The following ATG10 variants were observed in gnomAD, a reference collection of about 807,000 sequenced individuals.
ATG10 encodes the protein autophagy related 10, also known as ubiquitin-like-conjugating enzyme ATG10.
A neutral mutation model predicts 32.1 loss-of-function variants in ATG10; 30 were observed. The ratio of observed to expected loss-of-function variants is 0.94; its 90% CI spans 0.70 to 1.27. ATG10 has a LOEUF of 1.27. Among genes scored for constraint, ATG10 ranks in the 50% most tolerant of loss-of-function variants. The pLI, the probability that ATG10 is intolerant of heterozygous loss-of-function variation, is 0.00. For synonymous variants in ATG10, 87 were observed against 91.5 expected, an observed-to-expected ratio of 0.95 and a Z score of 0.28; for missense variants, 233 against 262.3, an observed-to-expected ratio of 0.89 and a Z score of 0.77.
At chr5:82,044,333 T>G (rs1382147929) in intron 2 of ATG10, among the ~76,000 whole-genome samples, 1 of 152,100 alleles carries the variant, frequency 6.6e-6, no homozygotes, top group East Asian at 1.9e-4. Flanking sequence ...CATGATCCGT[T>G]TACCTCCCAC....
intron 1 of ATG10, among the ~76,000 whole-genome samples, chr5:81,987,194 C>T (rs922154854): frequency 3.3e-5 from 5 of 152,158 alleles, no homozygotes; most frequent in African/African-American, 1.2e-4. Context: ...ATGATCCTAG[C>T]TAACTGCAGT....
intron 3 of ATG10, among the ~76,000 whole-genome samples, chr5:82,066,449 A>T (rs1290878057): frequency 6.6e-6 from 1 of 152,164 alleles, no homozygotes; most frequent in Non-Finnish European, 1.5e-5. Context: ...TTACATTTTT[A>T]AAAACTATGA....
intron 2 of ATG10, among the ~76,000 whole-genome samples, chr5:81,992,969 G>T (rs1306476444): frequency 6.6e-6 from 1 of 152,016 alleles, no homozygotes; most frequent in Non-Finnish European, 1.5e-5. Flanking sequence ...TGACATCTAG[G>T]CAGGATAATT....
intron 3 of ATG10, among the ~76,000 whole-genome samples, chr5:82,068,631 A>G (rs1764020133): frequency 1.3e-5 from 2 of 149,814 alleles, no homozygotes; most frequent in Admixed American, 6.7e-5. Context: ...CTCTTTTTTC[A>G]TGAAGAATTT....
At chr5:82,017,381 T>C (rs917567658) in intron 2 of ATG10, among the ~76,000 whole-genome samples, 3 of 152,184 alleles carry the variant, frequency 2.0e-5, no homozygotes, top group Non-Finnish European at 4.4e-5. Flanking sequence ...CTTTACTGAT[T>C]TGGATGCCCT....
At chr5:82,109,950 T>TCCCCCCCCCCCCCCC (rs5869105) in intron 3 of ATG10, among the ~76,000 whole-genome samples, 1 of 145,418 alleles carries the variant, frequency 6.9e-6, no homozygotes, top group African/African-American at 2.5e-5. Flanking sequence ...CTATCCCCCA[T>TCCCCCCCCCCCCCCC]CCCCCCACCC....
In ATG10 at chr5:81,972,061, C is replaced by T. The variant is rs532214744; in HGVS notation, c.-258C>T. 6.5e-4 allele frequency: 98 copies of T among 151,922 alleles called. No individual in the cohort carries two copies. Among genetic ancestry groups the T allele is most frequent in the African/African-American group, 2.3e-3 (94 of 41,354 alleles). The allele number at this position is 151,922 out of a possible 1,614,324, so 9.4% of individuals were successfully genotyped here. ...TCCGACTCGGCCGTGGCGGACCTGA[C>T]TGAAGGAGGCCGCGGACCTGACTGA... On this transcript the variant is annotated 5_prime_UTR_variant, in exon 1 of 8. Coordinates refer to ENST00000282185, the MANE Select transcript of ATG10 (RefSeq NM_031482.5).
chr5:82,042,831 G>C (rs1391257396), intron 2 of ATG10, among the ~76,000 whole-genome samples: 1 of 152,236 alleles, frequency 6.6e-6, no homozygotes, highest in South Asian at 2.1e-4. Flanking sequence ...CCATGGGTTT[G>C]GGCAGCTCCG....
intron 2 of ATG10, among the ~76,000 whole-genome samples, chr5:81,994,551 G>A (rs987878671): frequency 1.3e-5 from 2 of 152,196 alleles, no homozygotes; most frequent in Non-Finnish European, 2.9e-5. Flanking sequence ...CAGAAGGGAG[G>A]GCTCCAAGTG....
At chr5:82,001,194 A>C (rs1761837192) in intron 2 of ATG10, among the ~76,000 whole-genome samples, 2 of 152,234 alleles carry the variant, frequency 1.3e-5, no homozygotes, top group Non-Finnish European at 2.9e-5. Flanking sequence ...CATTGTTAAA[A>C]TGGCCATACT....
chr5:82,131,963 A>T (rs903054387), intron 3 of ATG10, among the ~76,000 whole-genome samples: 1 of 152,008 alleles, frequency 6.6e-6, no homozygotes, highest in Admixed American at 6.6e-5. Context: ...AATAAGAGAG[A>T]GAGAGAAAGT....
intron 3 of ATG10, among the ~76,000 whole-genome samples, chr5:82,160,291 A>T (rs887567850): frequency 6.6e-6 from 1 of 152,154 alleles, no homozygotes; most frequent in Admixed American, 6.5e-5. Context: ...ACTTTTGGAG[A>T]TTGACTTTTA....
chr5:81,984,320 C>T (rs573639873), intron 1 of ATG10, among the ~76,000 whole-genome samples: 2 of 152,338 alleles, frequency 1.3e-5, no homozygotes, highest in South Asian at 2.1e-4. Flanking sequence ...GCAGGCACTC[C>T]GCAGGCTGAG....
intron 4 of ATG10, among the ~76,000 whole-genome samples, chr5:82,169,684 G>C (rs1026076022): frequency 6.6e-6 from 1 of 152,164 alleles, no homozygotes; most frequent in African/African-American, 2.4e-5. Context: ...TATGTAGACA[G>C]TAAATCTAGC....
intron 1 of ATG10, among the ~76,000 whole-genome samples, chr5:81,987,080 A>G (rs1336711272): frequency 6.6e-6 from 1 of 152,138 alleles, no homozygotes; most frequent in African/African-American, 2.4e-5. Flanking sequence ...AATAAAAACA[A>G]CAAAAAAATG....
Position 82,029,008 on chromosome 5 carries a change from C to T in ATG10, c.109-29487C>T, listed in dbSNP as rs773148201. Among the ~76,000 whole-genome samples the T allele has an allele frequency of 5.9e-5, 9 of 152,068 alleles. 1 individual carries two copies. The South Asian group carries it at 8.3e-4, about 14-fold the overall frequency. On this transcript the variant is annotated intron_variant, in intron 2 of 7. Transcript: ENST00000282185. ...AGACAAGTAGAGCAACATTTGTATACGTAAGGAAGAGATACATTATTGGTT... is the reference window on the plus strand; with the variant it reads ...AGACAAGTAGAGCAACATTTGTATATGTAAGGAAGAGATACATTATTGGTT...
intron 5 of ATG10, among the ~76,000 whole-genome samples, chr5:82,240,357 A>G (rs2064372788): frequency 6.6e-6 from 1 of 152,262 alleles, no homozygotes; most frequent in East Asian, 1.9e-4. Flanking sequence ...AAAATCTGTC[A>G]TTTGCAATAA....
chr5:82,148,364 C>T (rs1016076276), intron 3 of ATG10, among the ~76,000 whole-genome samples: 3 of 152,086 alleles, frequency 2.0e-5, no homozygotes, highest in Admixed American at 1.3e-4. Flanking sequence ...TCTGGAATTG[C>T]GTCACTGTAG....
chr5:82,107,122 A>T (rs1765467615), intron 3 of ATG10, among the ~76,000 whole-genome samples: 2 of 151,980 alleles, frequency 1.3e-5, no homozygotes, highest in South Asian at 2.1e-4. Flanking sequence ...CAATTTTAAA[A>T]ATATATATAT....
Sources: gnomAD v4.1 joint callset for allele counts (sites outside exome capture counted in the v4.1 genomes callset) on GRCh38, gnomAD v4.1.1 for gene constraint, MANE v1.5 for transcripts, NCBI Gene and HGNC (gene_info 2026-07-23, HGNC 2026-07-21) for gene names.